Variants in FCRL6 observed in about 807,000 individuals in gnomAD.
The protein encoded by FCRL6 is Fc receptor like 6, also known as Fc receptor-like protein 6.
In FCRL6, 50 loss-of-function variants were observed where a neutral mutation model predicts 49.1. The ratio of observed to expected loss-of-function variants is 1.02; its 90% CI spans 0.81 to 1.29. FCRL6 has a LOEUF of 1.29. Ranked by LOEUF, FCRL6 falls within the 50% of genes most tolerant of loss-of-function variation. The pLI is 0.00. For missense variants in FCRL6, 571 were observed against 518.5 expected, an observed-to-expected ratio of 1.10 and a Z score of -0.98; for synonymous variants, 213 against 199.6, an observed-to-expected ratio of 1.07 and a Z score of -0.57.
chr1:159,802,478 C>A (rs900295369), intron 1 of FCRL6, 23 bp downstream of exon 1: 1 of 1,607,980 alleles, frequency 6.2e-7, no homozygotes, highest in Non-Finnish European at 8.5e-7. Flanking sequence ...GCATGGGCAT[C>A]CCCTCTTGGA....
chr1:159,802,000 G>T, upstream of FCRL6, among the ~76,000 whole-genome samples: 1 of 151,924 alleles, frequency 6.6e-6, no homozygotes, highest in East Asian at 1.9e-4. Flanking sequence ...TGGTCAAGGG[G>T]TAGATGATCT....
chr1:159,807,937 G>A (rs1357665275), intron 2 of FCRL6, among the ~76,000 whole-genome samples: 1 of 150,838 alleles, frequency 6.6e-6, no homozygotes, highest in Non-Finnish European at 1.5e-5. Context: ...GGGAGGGGAA[G>A]GGAAAGGAAT....
chr1:159,808,962 G>C lies in FCRL6; in HGVS notation c.321G>C (p.Glu107Asp), dbSNP rs772069683. 6.2e-7 allele frequency: 1 copy of C among 1,602,276 alleles called. No individual in the cohort carries two copies. The highest frequency in any genetic ancestry group is 1.7e-5 in the Admixed American group (1 of 58,968). The change falls in exon 4 of 10, where the codon GAG becomes GAC. Residue 107 changes from glutamate (E) to aspartate (D), a missense_variant and splice_region_variant. Coordinates refer to ENST00000368106, the MANE Select transcript of FCRL6 (RefSeq NM_001004310.3). ...AGTCCTGGGCCTGCATCTCCCCAGA[G>C]CTGTTTCCACCTCCTGTGCTGAGTG... ...TSETAMVQVQ[E>D]LFPPPVLSAI...
At position 159,809,555 on chromosome 1, in the gene FCRL6, C is replaced by T; in HGVS notation, c.758C>T (p.Ala253Val). ...GAGAAGATTGTGGGGAACCACTCAG[C>T]TCCCTGTGGTGGAACCACCTCCCTC... is the stretch of plus-strand genomic sequence containing the variant. Reference protein sequence around the residue: ...LDEKIVGNHSAPCGGTTSLLF... With the variant: ...LDEKIVGNHSVPCGGTTSLLF... Residue 253 changes from alanine (A) to valine (V), a missense_variant, in exon 5 of 10, where the codon GCT becomes GTT. Transcript: ENST00000368106. 6.2e-7 allele frequency: 1 copy of T among 1,614,216 alleles called. No individual in the cohort carries two copies.
rs1164698901 is a variant in FCRL6 at position 159,808,601 on chromosome 1, A to G, written c.319+157A>G. On this transcript the variant is annotated intron_variant, in intron 3 of 9. Transcript: ENST00000368106. The stretch of plus-strand genomic sequence containing the variant: ...CGAGGTTTCCCAAGATGTTGTCTCA[A>G]TACCCCCCTCTCCCCACCATGGGGG... 2.6e-5 allele frequency: 20 copies of G among 761,608 alleles called. No homozygotes were observed. The East Asian group carries it at 3.5e-4, about 13-fold the overall frequency. 47.2% of individuals were successfully genotyped at this position (761,608 alleles called of 1,614,324 possible). A position where few individuals can be genotyped will look rare whatever the true frequency, so the allele number is the denominator to read the frequency against.
In FCRL6 at chr1:159,802,380, C is replaced by T; in HGVS notation, c.-45C>T. On this transcript the variant is annotated 5_prime_UTR_variant, in exon 1 of 10. Transcript: ENST00000368106. ...TTGCTCTCTGCCGGCTTCGCCCTGA[C>T]CTGTTTCTGACCTGTGTTCCCTCCG... The T allele has an allele frequency of 6.2e-7, 1 of 1,612,030 alleles. No homozygotes were observed. Among genetic ancestry groups the T allele is most frequent in the Non-Finnish European group, 8.5e-7 (1 of 1,178,804 alleles).
chr1:159,806,025 A>G (rs968865695), intron 1 of FCRL6, among the ~76,000 whole-genome samples: 1 of 152,244 alleles, frequency 6.6e-6, no homozygotes, highest in African/African-American at 2.4e-5. Context: ...TACTGAACAC[A>G]GACTATGTTC....
At chr1:159,800,580 A>T, upstream of FCRL6, 1 of 1,550,120 alleles carries the variant, frequency 6.5e-7, no homozygotes, top group Non-Finnish European at 8.7e-7. Flanking sequence ...AAAGAGAACG[A>T]TAGAGGAAAA....
Position 159,815,546 on chromosome 1 carries a change from T to G in FCRL6, c.1190T>G (p.Ile397Ser). 6.2e-7 allele frequency: 1 copy of G among 1,614,212 alleles called. No individual in the cohort carries two copies. Among genetic ancestry groups the G allele is most frequent in the Non-Finnish European group, 8.5e-7 (1 of 1,180,030 alleles). ...EFTVGRKDSS[I>S]ICAEVRCLQP... ...CCAACTCTTCCACAGGACAGTTCTA[T>G]CATCTGTGCGGAGGTGAGATGCCTG... The change falls in exon 10 of 10, where the codon ATC (isoleucine) becomes AGC (serine). Residue 397 changes from isoleucine (I) to serine (S), a missense_variant. By Grantham distance (142) the Ile-to-Ser change is moderately radical (BLOSUM62 -2). Transcript: ENST00000368106.
intron 2 of FCRL6, among the ~76,000 whole-genome samples, chr1:159,806,877 G>A (rs1662727777): frequency 6.6e-6 from 1 of 152,188 alleles, no homozygotes. Context: ...CCTTAAAAGT[G>A]TCTGTGGCCT....
chr1:159,801,672 A>T (rs991933422), upstream of FCRL6, among the ~76,000 whole-genome samples: 2 of 152,200 alleles, frequency 1.3e-5, no homozygotes, highest in Middle Eastern at 3.2e-3. Context: ...ACTGACTTGC[A>T]GAAATTCTTA....
At chr1:159,806,912 GA>G (rs1159537596) in intron 2 of FCRL6, among the ~76,000 whole-genome samples, 1 of 152,132 alleles carries the variant, frequency 6.6e-6, no homozygotes, top group Non-Finnish European at 1.5e-5. Flanking sequence ...AGTGGTTCTG[GA>G]GCTCTTATAT....
Position 159,810,128 on chromosome 1 carries a change from G to C in FCRL6, c.921G>C (p.Trp307Cys). The change falls in exon 6 of 10, where the codon TGG becomes TGC. Residue 307 changes from tryptophan (W) to cysteine (C), a missense_variant. Physicochemically the swap from Trp to Cys is radical, Grantham distance 215. Coordinates refer to ENST00000368106, the MANE Select transcript of FCRL6 (RefSeq NM_001004310.3). ...SQVLFTPASN[W>C]LVPWLPASLL... ...TCTTGTTCACTCCCGCCAGCAACTG[G>C]CTGGTTCCTTGGCTTCCTGCGAGCC... The C allele has an allele frequency of 6.2e-7, 1 of 1,613,876 alleles. No individual in the cohort carries two copies. Among genetic ancestry groups the C allele is most frequent in the East Asian group, 2.2e-5 (1 of 44,854 alleles).
At chr1:159,807,751 G>A (rs1662790167) in intron 2 of FCRL6, among the ~76,000 whole-genome samples, 1 of 152,198 alleles carries the variant, frequency 6.6e-6, no homozygotes, top group African/African-American at 2.4e-5. Flanking sequence ...GCCACAGGAG[G>A]AGAAGCCAAT....
At chr1:159,801,026 A>G (rs1662304825), upstream of FCRL6, among the ~76,000 whole-genome samples, 1 of 152,256 alleles carries the variant, frequency 6.6e-6, no homozygotes, top group African/African-American at 2.4e-5. Context: ...TCAATAAAAA[A>G]AAGAAAAAAG....
At chr1:159,805,553 A>G (rs1315713691) in intron 1 of FCRL6, among the ~76,000 whole-genome samples, 1 of 152,168 alleles carries the variant, frequency 6.6e-6, no homozygotes, top group African/African-American at 2.4e-5. Context: ...CAGGTCTTCC[A>G]TTGTTTGGGC....
In FCRL6 at chr1:159,809,124, T is replaced by C. The variant is rs746782427; in HGVS notation, c.483T>C (p.Pro161=). The C allele has an allele frequency of 2.2e-5, 35 of 1,613,948 alleles. No homozygotes were observed. Among genetic ancestry groups the C allele is most frequent in the South Asian group, 3.3e-5 (3 of 91,084 alleles). Reference sequence around the variant, plus strand: ...GCCACACCTTGCAGGACAGGGGCCCTCACCCAGAACTCTGCATCCCGGGAG... The same window carrying C: ...GCCACACCTTGCAGGACAGGGGCCCCCACCCAGAACTCTGCATCCCGGGAG... ...KDGHTLQDRG[P]HPELCIPGAK... is the part of the protein sequence containing the mutation. The change falls in exon 4 of 10, where the codon CCT becomes CCC. Residue 161 remains proline, a synonymous_variant. Coordinates refer to ENST00000368106, the MANE Select transcript of FCRL6 (RefSeq NM_001004310.3).
chr1:159,806,860 C>T (rs1662726360), intron 2 of FCRL6, among the ~76,000 whole-genome samples: 1 of 152,188 alleles, frequency 6.6e-6, no homozygotes, highest in Non-Finnish European at 1.5e-5. Flanking sequence ...AGGCCTCTAT[C>T]TTATACCCTT....
intron 4 of FCRL6, 69 bp from the exon 5 acceptor site, chr1:159,809,333 T>C (rs933736004): frequency 1.4e-6 from 2 of 1,408,218 alleles, no homozygotes; most frequent in Non-Finnish European, 1.9e-6. Context: ...GGGGGAAGGG[T>C]CCCCAGGAGA....
Sources: gnomAD v4.1 joint callset for allele counts (sites outside exome capture counted in the v4.1 genomes callset) on GRCh38, gnomAD v4.1.1 for gene constraint, MANE v1.5 for transcripts, NCBI Gene and HGNC (gene_info 2026-07-23, HGNC 2026-07-21) for gene names.